Variants in STOM observed in about 807,000 individuals in gnomAD.
STOM encodes erythrocyte band 7 integral membrane protein.
Under a neutral mutation model 30.6 loss-of-function variants are expected in STOM, and 25 were observed. That is an observed-to-expected ratio of 0.82 (90% confidence interval 0.60 to 1.14). The LOEUF (loss-of-function observed/expected upper bound fraction) is 1.14, where lower values mean the gene tolerates loss of function less well. Among genes scored for constraint, STOM ranks in the 50% most tolerant of loss-of-function variants. The probability of loss-of-function intolerance (pLI) is 0.00; values close to 1 mark genes in which losing one functional copy is unlikely to be tolerated. For synonymous variants in STOM, 118 were observed against 130.8 expected, an observed-to-expected ratio of 0.90 and a Z score of 0.67; for missense variants, 292 against 365.2, an observed-to-expected ratio of 0.80 and a Z score of 1.63.
At chr9:121,366,050 G>A (rs2064500030) in intron 1 of STOM, 1 of 879,360 alleles carries the variant, frequency 1.1e-6, no homozygotes, top group African/African-American at 1.8e-5. Context: ...TGATGGTAGG[G>A]TGATCTCAAC....
intron 6 of STOM, among the ~76,000 whole-genome samples, chr9:121,347,512 G>C (rs1231390744): frequency 6.6e-6 from 1 of 152,086 alleles, no homozygotes; most frequent in East Asian, 1.9e-4. Flanking sequence ...AACAGTAAAA[G>C]GGAAAAAGAG....
intron 1 of STOM, among the ~76,000 whole-genome samples, chr9:121,368,920 G>GA (rs920974547): frequency 1.4e-5 from 2 of 140,904 alleles, no homozygotes; most frequent in Admixed American, 1.4e-4. Flanking sequence ...CAAGAAAAGC[G>GA]AAACTCCGTC....
At chr9:121,366,348 A>G in intron 1 of STOM, 1 of 742,276 alleles carries the variant, frequency 1.3e-6, no homozygotes. Flanking sequence ...TTTAATTATC[A>G]ACAAGTGTGT....
intron 1 of STOM, 36 bp downstream of exon 1, chr9:121,370,091 G>A: frequency 6.6e-7 from 1 of 1,510,540 alleles, no homozygotes; most frequent in South Asian, 1.2e-5. Flanking sequence ...GCGGGGGCTC[G>A]GTCCACGGGG....
Position 121,340,015 on chromosome 9 carries a change from T to A in STOM, c.*1187A>T. ...AAAATATAATGGTTTCCTGAAGTTA[T>A]CTCTTAAAAAAGTATTTTAGTCCTT... On this transcript the variant is annotated 3_prime_UTR_variant, in exon 7 of 7. Transcript: ENST00000286713. The A allele has an allele frequency of 1.0e-6, 1 of 987,794 alleles. No individual in the cohort carries two copies. The highest frequency in any genetic ancestry group is 1.2e-6 in the Non-Finnish European group (1 of 830,996). 61.2% of individuals were successfully genotyped at this position (987,794 alleles called of 1,614,324 possible). A position where few individuals can be genotyped will look rare whatever the true frequency, so the allele number is the denominator to read the frequency against.
intron 3 of STOM, among the ~76,000 whole-genome samples, chr9:121,354,086 C>A (rs1437107444): frequency 6.6e-6 from 1 of 152,168 alleles, no homozygotes; most frequent in African/African-American, 2.4e-5. Context: ...ATTCCCAGAA[C>A]CTGGAACACA....
chr9:121,343,666 G>A (rs924271819), intron 6 of STOM, among the ~76,000 whole-genome samples: 2 of 152,132 alleles, frequency 1.3e-5, no homozygotes, highest in African/African-American at 4.8e-5. Context: ...GTATAAAAAT[G>A]GTATATTCCA....
rs964299429 is a variant in STOM at position 121,353,189 on chromosome 9, T to C, written c.321+31A>G. On this transcript the variant is annotated intron_variant, in intron 4 of 6. Transcript: ENST00000286713. The stretch of plus-strand genomic sequence containing the variant: ...CCTCATTGTAAAGCACTTTCACATA[T>C]GATACCTCAGTTATTCAAAGAAAAC... 5.0e-6 allele frequency: 7 copies of C among 1,390,354 alleles called. No individual in the cohort carries two copies. In the Admixed American group the frequency reaches 7.2e-5, roughly 14 times the overall value. The allele number at this position is 1,390,354 out of a possible 1,614,324, so 86.1% of individuals were successfully genotyped here. A position where few individuals can be genotyped will look rare whatever the true frequency, so the allele number is the denominator to read the frequency against.
chr9:121,341,835 GA>G (rs1425858558), intron 6 of STOM, among the ~76,000 whole-genome samples: 3 of 152,268 alleles, frequency 2.0e-5, no homozygotes, highest in African/African-American at 7.2e-5. Flanking sequence ...ACTGTGATAT[GA>G]TTTTTTTAGC....
intron 6 of STOM, 108 bp downstream of exon 6, chr9:121,347,907 A>G: frequency 7.4e-7 from 1 of 1,352,766 alleles, no homozygotes; most frequent in Non-Finnish European, 9.8e-7. Flanking sequence ...TAACTTTACC[A>G]CTTCAAGATT....
chr9:121,362,988 A>G (rs572800413), intron 1 of STOM, among the ~76,000 whole-genome samples: 1 of 152,352 alleles, frequency 6.6e-6, no homozygotes, highest in Non-Finnish European at 1.5e-5. Context: ...GCACTACTGG[A>G]AATCATGTGG....
chr9:121,360,491 G>A lies in STOM; in HGVS notation c.62-4335C>T, dbSNP rs138172338. On this transcript the variant is annotated intron_variant, in intron 1 of 6. Transcript: ENST00000286713. Reference sequence around the variant, plus strand: ...CTCTTTGAACCTTAGTTTCCTTACCGGTGGAAAGTAAAGATTATTAGGCTG... The same window carrying A: ...CTCTTTGAACCTTAGTTTCCTTACCAGTGGAAAGTAAAGATTATTAGGCTG... Among the ~76,000 whole-genome samples, 3 of 152,190 alleles carry A rather than the reference G, an allele frequency of 2.0e-5. No homozygotes were observed. The East Asian group carries it at 5.8e-4, about 29-fold the overall frequency.
intron 6 of STOM, among the ~76,000 whole-genome samples, chr9:121,346,424 G>A (rs2064290278): frequency 6.6e-6 from 1 of 152,220 alleles, no homozygotes; most frequent in Admixed American, 6.5e-5. Context: ...GGAATAGCAG[G>A]ATGGAGTGCT....
chr9:121,348,514 C>T (rs1233219465), intron 5 of STOM, among the ~76,000 whole-genome samples: 3 of 152,174 alleles, frequency 2.0e-5, no homozygotes, highest in Admixed American at 2.0e-4. Flanking sequence ...AGCCTGTAGG[C>T]TACAGTTTGC....
chr9:121,347,068 T>C (rs991456954), intron 6 of STOM, among the ~76,000 whole-genome samples: 3 of 152,172 alleles, frequency 2.0e-5, no homozygotes, highest in African/African-American at 7.2e-5. Flanking sequence ...TTGACCAAAG[T>C]TGGACCAAAA....
intron 4 of STOM, 47 bp from the exon 5 acceptor site, chr9:121,349,370 T>A (rs1024479107): frequency 5.9e-6 from 9 of 1,529,246 alleles, no homozygotes; most frequent in South Asian, 2.2e-5. Flanking sequence ...GACTTTTTTT[T>A]AACATAACTG....
At chr9:121,350,593 C>G (rs1242374072) in intron 4 of STOM, among the ~76,000 whole-genome samples, 2 of 152,188 alleles carry the variant, frequency 1.3e-5, no homozygotes, top group Non-Finnish European at 2.9e-5. Context: ...AACTGAGTCC[C>G]ATCTCTGCCT....
chr9:121,355,085 C>G (rs1256005592), intron 2 of STOM, among the ~76,000 whole-genome samples: 2 of 151,724 alleles, frequency 1.3e-5, no homozygotes, highest in Non-Finnish European at 2.9e-5. Flanking sequence ...ATGGTGAAAC[C>G]CTGTTTCTAC....
Position 121,363,410 on chromosome 9 carries a change from A to G in STOM, c.61+6717T>C, listed in dbSNP as rs77893487. 5.5e-3 allele frequency among the ~76,000 whole-genome samples: 842 copies of G among 152,130 alleles called. 5 individuals are homozygous for G. The highest frequency in any genetic ancestry group is 0.019 in the African/African-American group (801 of 41,542). On this transcript the variant is annotated intron_variant, in intron 1 of 6. Coordinates refer to ENST00000286713, the MANE Select transcript of STOM (RefSeq NM_004099.6). ...GGATTAAGTGTTACTTTTGGCCACT[A>G]TGATTCTTCATCAGTGATTCTTTGT...
Sources: gnomAD v4.1 joint callset for allele counts (sites outside exome capture counted in the v4.1 genomes callset) on GRCh38, gnomAD v4.1.1 for gene constraint, MANE v1.5 for transcripts, NCBI Gene and HGNC (gene_info 2026-07-23, HGNC 2026-07-21) for gene names.